EXOC6B: variants seen among roughly 807,000 people sequenced by gnomAD.
The protein encoded by EXOC6B is SEC15 homolog B.
EXOC6B carries 54 observed loss-of-function variants against 113.5 expected under a neutral mutation model. The ratio of observed to expected loss-of-function variants is 0.48; its 90% CI spans 0.38 to 0.60. The LOEUF (loss-of-function observed/expected upper bound fraction) is 0.60, where lower values mean the gene tolerates loss of function less well. Ranked by LOEUF, EXOC6B falls within the 20% of genes least tolerant of loss-of-function variation. EXOC6B has a pLI of 0.00. For missense variants in EXOC6B, 797 were observed against 977.5 expected (o/e 0.82, Z 2.46); for synonymous variants, 357 against 339.0 (o/e 1.05, Z -0.58).
chr2:72,186,241 T>A (rs1678428011), intron 20 of EXOC6B, among the ~76,000 whole-genome samples: 1 of 152,190 alleles, frequency 6.6e-6, no homozygotes, highest in South Asian at 2.1e-4. Flanking sequence ...TGATTTATAA[T>A]CCTTTGGGTA....
At chr2:72,591,563 A>G (rs1475990515) in intron 6 of EXOC6B, among the ~76,000 whole-genome samples, 1 of 152,174 alleles carries the variant, frequency 6.6e-6, no homozygotes, top group Non-Finnish European at 1.5e-5. Flanking sequence ...AACTTTTAAA[A>G]TCTTCCTAAA....
rs966575289 is a variant in EXOC6B at position 72,755,827 on chromosome 2, G to T, written c.114-14358C>A. On this transcript the variant is annotated intron_variant, in intron 1 of 21. Transcript: ENST00000272427. ...TTCTGGCCCTTGTTGCCAACAGAAG[G>T]GGGAGGGTGACAGCAGTCCCTACGG... Among the ~76,000 whole-genome samples the T allele has an allele frequency of 2.0e-5, 3 of 152,132 alleles. No individual in the cohort carries two copies. The East Asian group carries it at 5.8e-4, about 29-fold the overall frequency.
chr2:72,250,909 G>A (rs1682973438), intron 20 of EXOC6B, among the ~76,000 whole-genome samples: 1 of 152,088 alleles, frequency 6.6e-6, no homozygotes, highest in Non-Finnish European at 1.5e-5. Context: ...GTGGAGTGGT[G>A]TGATGAAAGC....
At chr2:72,464,917 A>G (rs1189505110) in intron 18 of EXOC6B, 2 of 533,460 alleles carry the variant, frequency 3.7e-6, no homozygotes, top group East Asian at 5.9e-5. Context: ...TACCTTGAAC[A>G]TCATAGGAAG....
At chr2:72,209,519 A>T (rs955823997) in intron 20 of EXOC6B, among the ~76,000 whole-genome samples, 1 of 151,396 alleles carries the variant, frequency 6.6e-6, no homozygotes, top group East Asian at 1.9e-4. Context: ...GTCTCCAAAA[A>T]TTTTTTTTTC....
chr2:72,825,651 G>A lies in EXOC6B; in HGVS notation c.113+147C>T, dbSNP rs1686858705. On this transcript the variant is annotated intron_variant, in intron 1 of 21. Transcript: ENST00000272427. This position sits in a 1 kb window ranked among gnomAD's most constrained non-coding sequence, Gnocchi z 4.4. ...GGGACCCCGCGTCGGGGCTGCGAAG[G>A]GAGACCCGCCTCGCCCGGTATGCAG... is the stretch of plus-strand genomic sequence containing the variant. 5.9e-6 allele frequency: 6 copies of A among 1,022,486 alleles called. No homozygotes were observed. In the East Asian group the frequency reaches 1.5e-4, roughly 25 times the overall value. 63.3% of individuals were successfully genotyped at this position (1,022,486 alleles called of 1,614,324 possible). A position where few individuals can be genotyped will look rare whatever the true frequency, so the allele number is the denominator to read the frequency against.
intron 20 of EXOC6B, among the ~76,000 whole-genome samples, chr2:72,316,988 T>G (rs943753802): frequency 6.6e-6 from 1 of 152,076 alleles, no homozygotes; most frequent in African/African-American, 2.4e-5. Context: ...CAAGGAGGTG[T>G]TAAGAGTAGT....
In EXOC6B at chr2:72,305,893, T is replaced by G. The variant is rs140417523; in HGVS notation, c.2196+29054A>C. 6.6e-3 allele frequency among the ~76,000 whole-genome samples: 998 copies of G among 152,208 alleles called. 12 individuals are homozygous for G. The highest frequency in any genetic ancestry group is 0.022 in the African/African-American group (906 of 41,526). On this transcript the variant is annotated intron_variant, in intron 20 of 21. Transcript: ENST00000272427. ...GATTCAAGTTATCCCGAGAAACCAGTGAAATAAAAGGGTTACAATCTAGGT... is the reference window on the plus strand; with the variant it reads ...GATTCAAGTTATCCCGAGAAACCAGGGAAATAAAAGGGTTACAATCTAGGT...
chr2:72,580,760 G>C (rs1412133513), intron 6 of EXOC6B, among the ~76,000 whole-genome samples: 2 of 152,098 alleles, frequency 1.3e-5, no homozygotes, highest in Non-Finnish European at 2.9e-5. Context: ...TCTAATACCA[G>C]AATGTGGAAC....
intron 6 of EXOC6B, among the ~76,000 whole-genome samples, chr2:72,590,834 C>T (rs1705897637): frequency 6.6e-6 from 1 of 151,916 alleles, no homozygotes; most frequent in African/African-American, 2.4e-5. Context: ...GCCATTTAGT[C>T]AACCTATGAA....
chr2:72,699,574 A>G (rs765140011), intron 6 of EXOC6B, among the ~76,000 whole-genome samples: 2 of 152,094 alleles, frequency 1.3e-5, no homozygotes, highest in Non-Finnish European at 2.9e-5. Context: ...TATGTTTAGT[A>G]GACTAAGAAA....
chr2:72,663,293 T>A (rs985479845), intron 6 of EXOC6B, among the ~76,000 whole-genome samples: 1 of 152,174 alleles, frequency 6.6e-6, no homozygotes, highest in Non-Finnish European at 1.5e-5. Flanking sequence ...TACATATGTA[T>A]AATATATGTC....
At chr2:72,744,687 C>A (rs1390620371) in intron 1 of EXOC6B, among the ~76,000 whole-genome samples, 1 of 152,142 alleles carries the variant, frequency 6.6e-6, no homozygotes, top group African/African-American at 2.4e-5. Context: ...ACTCAATATA[C>A]TTCTAAGTTA....
At chr2:72,228,081 C>T (rs564232284) in intron 20 of EXOC6B, among the ~76,000 whole-genome samples, 6 of 152,102 alleles carry the variant, frequency 3.9e-5, no homozygotes, top group Admixed American at 2.6e-4. Context: ...TCAGGAAGTT[C>T]GGATTTTACC....
chr2:72,607,803 G>A (rs1382756402), intron 6 of EXOC6B, among the ~76,000 whole-genome samples: 2 of 152,102 alleles, frequency 1.3e-5, no homozygotes, highest in African/African-American at 4.8e-5. Flanking sequence ...CTTCAGTAGG[G>A]TTTTCAAGTG....
At chr2:72,506,682 T>C (rs957849596) in intron 11 of EXOC6B, among the ~76,000 whole-genome samples, 8 of 152,126 alleles carry the variant, frequency 5.3e-5, no homozygotes, top group Non-Finnish European at 1.0e-4. Flanking sequence ...ATCATAAATA[T>C]TACTTTGTAA....
chr2:72,475,223 C>G (rs1264906531), intron 17 of EXOC6B, among the ~76,000 whole-genome samples: 5 of 151,998 alleles, frequency 3.3e-5, no homozygotes, highest in African/African-American at 1.2e-4. Context: ...GTTGAGTTTC[C>G]AGACAGATTA....
chr2:72,275,643 T>A (rs1478217282), intron 20 of EXOC6B, among the ~76,000 whole-genome samples: 1 of 152,172 alleles, frequency 6.6e-6, no homozygotes, highest in Non-Finnish European at 1.5e-5. Context: ...AAAAAAGATA[T>A]AATCTTTCTA....
intron 20 of EXOC6B, among the ~76,000 whole-genome samples, chr2:72,298,331 T>G (rs1686277483): frequency 6.6e-6 from 1 of 152,180 alleles, no homozygotes. Flanking sequence ...AACTTTCCAT[T>G]TGCTTGGTAA....
Sources: allele counts gnomAD v4.1 joint callset (sites outside exome capture counted in the v4.1 genomes callset), GRCh38; gene constraint gnomAD v4.1.1; non-coding constraint Gnocchi (gnomAD v3.1); transcripts MANE v1.5; gene names NCBI Gene and HGNC (gene_info 2026-07-23, HGNC 2026-07-21).